Variants in ZBTB44 observed in about 807,000 individuals in gnomAD.
ZBTB44 encodes the protein zinc finger and BTB domain-containing protein 44.
Under a neutral mutation model 54.0 loss-of-function variants are expected in ZBTB44, and 15 were observed. That is an observed-to-expected ratio of 0.28 (90% CI 0.19 to 0.43). ZBTB44 has a LOEUF of 0.43. Ranked by LOEUF, ZBTB44 falls within the 20% of genes least tolerant of loss-of-function variation. The probability of loss-of-function intolerance (pLI) is 1.00; values close to 1 mark genes in which losing one functional copy is unlikely to be tolerated. For missense variants in ZBTB44, 487 were observed against 707.1 expected (o/e 0.69, Z 3.53); for synonymous variants, 230 against 250.1 (o/e 0.92, Z 0.76).
At chr11:130,239,476 C>T (rs1954259078) in intron 3 of ZBTB44, 1 of 243,966 alleles carries the variant, frequency 4.1e-6, no homozygotes. Flanking sequence ...CATCCACAAA[C>T]AATATGTCAG....
intron 2 of ZBTB44, among the ~76,000 whole-genome samples, chr11:130,251,129 A>G (rs959055360): frequency 1.3e-5 from 2 of 152,216 alleles, no homozygotes; most frequent in Non-Finnish European, 2.9e-5. Flanking sequence ...AAAACACAGC[A>G]CGAGAACTTC....
At chr11:130,297,797 C>T (rs949636173) in intron 1 of ZBTB44, among the ~76,000 whole-genome samples, 2 of 152,212 alleles carry the variant, frequency 1.3e-5, no homozygotes, top group African/African-American at 4.8e-5. Context: ...TAACAGCCAC[C>T]TACTTCGTCA....
At chr11:130,305,046 A>G (rs1942192556) in intron 1 of ZBTB44, among the ~76,000 whole-genome samples, 1 of 152,220 alleles carries the variant, frequency 6.6e-6, no homozygotes, top group Admixed American at 6.5e-5. Flanking sequence ...GAATATACCT[A>G]ACCAAGGAGG....
At chr11:130,288,884 G>A (rs1172941657) in intron 1 of ZBTB44, among the ~76,000 whole-genome samples, 9 of 150,134 alleles carry the variant, frequency 6.0e-5, no homozygotes, top group South Asian at 4.2e-4. Flanking sequence ...GTGACAGAGC[G>A]AGACTCCGTC....
At chr11:130,273,278 A>T (rs1361268484) in intron 1 of ZBTB44, among the ~76,000 whole-genome samples, 1 of 144,882 alleles carries the variant, frequency 6.9e-6, no homozygotes, top group South Asian at 2.2e-4. Flanking sequence ...TATTCTTTTG[A>T]TGTCACCATG....
At chr11:130,301,211 C>T (rs1941969605) in intron 1 of ZBTB44, among the ~76,000 whole-genome samples, 1 of 152,060 alleles carries the variant, frequency 6.6e-6, no homozygotes, top group Admixed American at 6.5e-5. Flanking sequence ...AGAAAGAGTA[C>T]AGCTATAGTT....
chr11:130,249,373 TTAAA>T (rs1255084923), intron 2 of ZBTB44, among the ~76,000 whole-genome samples: 3 of 152,220 alleles, frequency 2.0e-5, no homozygotes, highest in Admixed American at 6.5e-5. Context: ...TTTCTTGAAA[TTAAA>T]TATTTTGTTG....
At chr11:130,275,552 A>C (rs1383178539) in intron 1 of ZBTB44, among the ~76,000 whole-genome samples, 1 of 152,040 alleles carries the variant, frequency 6.6e-6, no homozygotes, top group Non-Finnish European at 1.5e-5. Context: ...GCATTGTTTA[A>C]TTACCACATA....
intron 1 of ZBTB44, among the ~76,000 whole-genome samples, chr11:130,278,253 TAC>T (rs1565671836): frequency 1.3e-5 from 2 of 152,204 alleles, no homozygotes; most frequent in East Asian, 3.8e-4. Flanking sequence ...GACATTAGCT[TAC>T]ACAGTTGGGC....
chr11:130,313,096 A>G lies in ZBTB44; in HGVS notation c.-57+1279T>C, dbSNP rs114698205. On this transcript the variant is annotated intron_variant, in intron 1 of 7. Coordinates refer to ENST00000357899, the MANE Select transcript of ZBTB44 (RefSeq NM_001301098.2). Reference sequence around the variant, plus strand: ...AAAATTTTTCATAACAAAGTTAATAAAATTGTACTTCTATTGAGAAGTACG... The same window carrying G: ...AAAATTTTTCATAACAAAGTTAATAGAATTGTACTTCTATTGAGAAGTACG... Among the ~76,000 whole-genome samples, 935 of 152,340 alleles carry G rather than the reference A, an allele frequency of 6.1e-3. 9 individuals carry two copies. Among genetic ancestry groups the G allele is most frequent in the African/African-American group, 0.021 (878 of 41,574 alleles).
At chr11:130,260,602 T>C (rs1938793582) in intron 2 of ZBTB44, among the ~76,000 whole-genome samples, 1 of 152,214 alleles carries the variant, frequency 6.6e-6, no homozygotes, top group Admixed American at 6.5e-5. Flanking sequence ...ACAAACTGGA[T>C]TTAACTGCTT....
chr11:130,264,766 T>G (rs1939130010), intron 1 of ZBTB44, among the ~76,000 whole-genome samples: 1 of 152,234 alleles, frequency 6.6e-6, no homozygotes, highest in African/African-American at 2.4e-5. Context: ...ATATTTTGGA[T>G]ACAGAGACAT....
chr11:130,286,213 A>T (rs1215048481), intron 1 of ZBTB44, among the ~76,000 whole-genome samples: 1 of 152,210 alleles, frequency 6.6e-6, no homozygotes, highest in Non-Finnish European at 1.5e-5. Context: ...CCAGAATATT[A>T]AAAGCTGAGT....
rs754273221 is a variant in ZBTB44, at chr11:130,261,403, A to G, written c.471T>C (p.Asp157=). 1.1e-4 allele frequency: 171 copies of G among 1,613,846 alleles called. No homozygotes were observed. Among genetic ancestry groups the G allele is most frequent in the Non-Finnish European group, 1.4e-4 (166 of 1,179,892 alleles). The change falls in exon 2 of 8, where the codon GAT becomes GAC. Residue 157 remains aspartate, a synonymous_variant. Transcript: ENST00000357899. The surrounding 1 kb of genome is among the most constrained non-coding windows in gnomAD (Gnocchi z 4.8). ...CTGAGGACACGGGAGAAATGCTCCCATCTCGAGAAGTAAAATTGCAGTTAG... is the reference window on the plus strand; with the variant it reads ...CTGAGGACACGGGAGAAATGCTCCCGTCTCGAGAAGTAAAATTGCAGTTAG... ...NNSNCNFTSR[D]GSISPVSSEC...
chr11:130,270,883 C>T (rs547822057), intron 1 of ZBTB44, among the ~76,000 whole-genome samples: 3 of 152,242 alleles, frequency 2.0e-5, no homozygotes, highest in African/African-American at 4.8e-5. Flanking sequence ...TAAATTTATA[C>T]ATGAAGTTGC....
chr11:130,302,006 C>T (rs1942013653), intron 1 of ZBTB44, among the ~76,000 whole-genome samples: 1 of 148,264 alleles, frequency 6.7e-6, no homozygotes, highest in Non-Finnish European at 1.5e-5. Context: ...GAGCCACGAT[C>T]ACACCACTGC....
chr11:130,283,764 G>C (rs886753455), intron 1 of ZBTB44, among the ~76,000 whole-genome samples: 2 of 149,706 alleles, frequency 1.3e-5, no homozygotes, highest in Non-Finnish European at 3.0e-5. Flanking sequence ...TCAGGAATTT[G>C]AGATCCACCT....
chr11:130,289,850 G>C (rs556791434), intron 1 of ZBTB44, among the ~76,000 whole-genome samples: 1 of 152,202 alleles, frequency 6.6e-6, no homozygotes, highest in South Asian at 2.1e-4. Context: ...AACATAAATT[G>C]AATACCCTCA....
chr11:130,313,595 G>C (rs540253977), intron 1 of ZBTB44, among the ~76,000 whole-genome samples: 1 of 152,130 alleles, frequency 6.6e-6, no homozygotes, highest in Non-Finnish European at 1.5e-5. Context: ...GGTATCAGCC[G>C]ATCTCCAAAT....
Sources: gnomAD v4.1 joint callset for allele counts (sites outside exome capture counted in the v4.1 genomes callset) on GRCh38, gnomAD v4.1.1 for gene constraint, Gnocchi (gnomAD v3.1) non-coding constraint, MANE v1.5 for transcripts, NCBI Gene and HGNC (gene_info 2026-07-23, HGNC 2026-07-21) for gene names.